SGCZ: variants seen among roughly 807,000 people sequenced by gnomAD.
SGCZ encodes sarcoglycan zeta.
SGCZ carries 40 observed loss-of-function variants against 41.3 expected under a neutral mutation model. The ratio of observed to expected loss-of-function variants is 0.97; its 90% CI spans 0.75 to 1.26. The LOEUF is 1.26. Among genes scored for constraint, SGCZ ranks in the 50% most tolerant of loss-of-function variants. The probability of loss-of-function intolerance (pLI) is 0.00; values close to 1 mark genes in which losing one functional copy is unlikely to be tolerated. For missense variants in SGCZ, 552 were observed against 369.8 expected (o/e 1.49, Z -4.04); for synonymous variants, 206 against 137.5 (o/e 1.50, Z -3.49).
At chr8:14,849,740 T>C (rs1231746398) in intron 1 of SGCZ, among the ~76,000 whole-genome samples, 2 of 152,116 alleles carry the variant, frequency 1.3e-5, no homozygotes, top group Non-Finnish European at 2.9e-5. Flanking sequence ...TTAATGAATG[T>C]ATACTTATGT....
At chr8:14,596,899 AAAAT>A (rs1805430939) in intron 1 of SGCZ, among the ~76,000 whole-genome samples, 1 of 152,194 alleles carries the variant, frequency 6.6e-6, no homozygotes, top group Non-Finnish European at 1.5e-5. Flanking sequence ...GTTTCTGTTA[AAAAT>A]AAATAACTGA....
intron 2 of SGCZ, among the ~76,000 whole-genome samples, chr8:14,405,301 C>G (rs1389174188): frequency 6.6e-6 from 1 of 152,120 alleles, no homozygotes; most frequent in Non-Finnish European, 1.5e-5. Flanking sequence ...TGTTATTTTG[C>G]TATTTAAAGC....
At chr8:14,421,027 G>C (rs1043716970) in intron 2 of SGCZ, among the ~76,000 whole-genome samples, 14 of 152,020 alleles carry the variant, frequency 9.2e-5, no homozygotes, top group African/African-American at 3.4e-4. Context: ...AAATAAAGGT[G>C]CCCCAAAGAT....
chr8:14,996,559 G>A (rs777393424), intron 1 of SGCZ, among the ~76,000 whole-genome samples: 1 of 152,168 alleles, frequency 6.6e-6, no homozygotes, highest in Non-Finnish European at 1.5e-5. Context: ...ATGCCACCAT[G>A]CCAGGCTCTG....
intron 1 of SGCZ, among the ~76,000 whole-genome samples, chr8:14,748,043 A>G (rs1799389835): frequency 6.6e-6 from 1 of 152,072 alleles, no homozygotes; most frequent in African/African-American, 2.4e-5. Context: ...ACTAATGACA[A>G]AGACTTCCCA....
intron 1 of SGCZ, among the ~76,000 whole-genome samples, chr8:14,972,170 A>C (rs531486220): frequency 8.0e-4 from 122 of 152,242 alleles, no homozygotes; most frequent in African/African-American, 2.9e-3. Context: ...TTGCCTTTCA[A>C]ATTTTTAAAT....
At chr8:14,495,542 T>G (rs866152669) in intron 2 of SGCZ, among the ~76,000 whole-genome samples, 2 of 152,206 alleles carry the variant, frequency 1.3e-5, no homozygotes, top group Non-Finnish European at 2.9e-5. Flanking sequence ...AGTCATAATA[T>G]AACTGTATAT....
rs536411036 is a variant in SGCZ at position 15,076,342 on chromosome 8, C to T, written c.39+161243G>A. ...ACACAGAGGCTACAAACAATTGAAG[C>T]GAGACAGAGCAAGGGGGTAGCAAGA... On this transcript the variant is annotated intron_variant, in intron 1 of 7. Coordinates refer to ENST00000382080, the MANE Select transcript of SGCZ (RefSeq NM_139167.4). Among the ~76,000 whole-genome samples the T allele has an allele frequency of 1.7e-4, 26 of 151,670 alleles. No individual in the cohort carries two copies. In the South Asian group the frequency reaches 4.2e-3, roughly 24 times the overall value.
At chr8:15,107,406 C>A (rs1417769265) in intron 1 of SGCZ, among the ~76,000 whole-genome samples, 1 of 152,126 alleles carries the variant, frequency 6.6e-6, no homozygotes, top group East Asian at 1.9e-4. Flanking sequence ...AGATTAATAA[C>A]CTCCTTCAGG....
rs181320151 is a variant in SGCZ at position 14,832,780 on chromosome 8, G to A, written c.40-277854C>T. On this transcript the variant is annotated intron_variant, in intron 1 of 7. Coordinates refer to ENST00000382080, the MANE Select transcript of SGCZ (RefSeq NM_139167.4). ...ATTAGGCTCAATAAAACATTACAGT[G>A]AAAATTTCAGAGACATAAATAATTC... is the stretch of plus-strand genomic sequence containing the variant. Among the ~76,000 whole-genome samples, 156 of 152,108 alleles carry A rather than the reference G, an allele frequency of 1.0e-3. 1 individual carries two copies. Among genetic ancestry groups the A allele is most frequent in the African/African-American group, 3.4e-3 (142 of 41,500 alleles).
rs1202782328 is a variant in SGCZ at position 14,423,142 on chromosome 8, G to A, written c.235-98938C>T. Among the ~76,000 whole-genome samples, 23 of 151,142 alleles carry A rather than the reference G, an allele frequency of 1.5e-4. 1 individual carries two copies. The highest frequency in any genetic ancestry group is 1.5e-3 in the Admixed American group (23 of 15,176). On this transcript the variant is annotated intron_variant, in intron 2 of 7. Transcript: ENST00000382080. ...TTGTGTGCTCCAGCATTTTTTAAAA[G>A]TAAACTCTGGGGACTGTTGTGGGGT...
chr8:15,210,881 G>C (rs1801213624), intron 1 of SGCZ, among the ~76,000 whole-genome samples: 1 of 151,830 alleles, frequency 6.6e-6, no homozygotes, highest in African/African-American at 2.4e-5. Flanking sequence ...ATCCAGTTTA[G>C]AACCCCACAT....
intron 2 of SGCZ, among the ~76,000 whole-genome samples, chr8:14,517,619 C>G (rs185909620): frequency 2.0e-4 from 31 of 151,892 alleles, no homozygotes; most frequent in Admixed American, 2.0e-3. Flanking sequence ...GAAATTATTA[C>G]AAAATATAGA....
intron 2 of SGCZ, among the ~76,000 whole-genome samples, chr8:14,514,705 AC>A (rs1199153905): frequency 1.3e-5 from 2 of 148,998 alleles, no homozygotes; most frequent in East Asian, 2.0e-4. Flanking sequence ...ATATATGTAC[AC>A]ACATTTACAT....
At chr8:14,644,805 A>C (rs539683500) in intron 1 of SGCZ, among the ~76,000 whole-genome samples, 1 of 151,894 alleles carries the variant, frequency 6.6e-6, no homozygotes, top group South Asian at 2.1e-4. Context: ...TGAGATTACC[A>C]ACTAATTCTA....
At chr8:14,094,649 A>G (rs1801787874) in intron 7 of SGCZ, among the ~76,000 whole-genome samples, 1 of 151,978 alleles carries the variant, frequency 6.6e-6, no homozygotes, top group Admixed American at 6.6e-5. Context: ...GGGTATAATC[A>G]CAGTAACGGG....
Position 14,954,328 on chromosome 8 carries a change from C to T in SGCZ, c.39+283257G>A, listed in dbSNP as rs145114563. Among the ~76,000 whole-genome samples the T allele has an allele frequency of 3.0e-3, 461 of 152,238 alleles. 4 individuals carry two copies. The highest frequency in any genetic ancestry group is 0.011 in the African/African-American group (445 of 41,544). On this transcript the variant is annotated intron_variant, in intron 1 of 7. Coordinates refer to ENST00000382080, the MANE Select transcript of SGCZ (RefSeq NM_139167.4). Reference sequence around the variant, plus strand: ...ATCAAAGATTTGGAATTACACACAGCTACAGAAGATGTGGCAGACAGACTC... The same window carrying T: ...ATCAAAGATTTGGAATTACACACAGTTACAGAAGATGTGGCAGACAGACTC...
intron 1 of SGCZ, among the ~76,000 whole-genome samples, chr8:14,897,387 C>G (rs1805239835): frequency 6.6e-6 from 1 of 152,172 alleles, no homozygotes; most frequent in African/African-American, 2.4e-5. Flanking sequence ...GAGTATCCCA[C>G]TAGGATGGCT....
chr8:14,769,516 G>T (rs1037454095), intron 1 of SGCZ, among the ~76,000 whole-genome samples: 5 of 152,154 alleles, frequency 3.3e-5, no homozygotes, highest in Admixed American at 3.3e-4. Context: ...TGGCAGCCAG[G>T]CGCGATGGCT....
Sources: gnomAD v4.1 joint callset for allele counts (sites outside exome capture counted in the v4.1 genomes callset) on GRCh38, gnomAD v4.1.1 for gene constraint, MANE v1.5 for transcripts, NCBI Gene and HGNC (gene_info 2026-07-23, HGNC 2026-07-21) for gene names.